The following PBRM1 variants were observed in gnomAD, a reference collection of about 807,000 sequenced individuals.
PBRM1 encodes protein polybromo-1.
Under a neutral mutation model 194.5 loss-of-function variants are expected in PBRM1, and 27 were observed. The ratio of observed to expected loss-of-function variants is 0.14; its 90% CI spans 0.10 to 0.19. The LOEUF (loss-of-function observed/expected upper bound fraction) is 0.19, where lower values mean the gene tolerates loss of function less well. Ranked by LOEUF, PBRM1 falls within the 10% of genes least tolerant of loss-of-function variation. PBRM1 has a pLI of 1.00. For missense variants in PBRM1, 1,466 were observed against 2,077.2 expected, an observed-to-expected ratio of 0.71 and a Z score of 5.72; for synonymous variants, 655 against 693.2, an observed-to-expected ratio of 0.94 and a Z score of 0.87.
chr3:52,547,630 A>T (rs2079845622), downstream of PBRM1: 1 of 233,868 alleles, frequency 4.3e-6, no homozygotes, highest in Admixed American at 5.6e-5. Flanking sequence ...TTATCAATTT[A>T]AACTAATCTG....
chr3:52,608,097 G>A (rs1460392793), intron 16 of PBRM1, among the ~76,000 whole-genome samples: 3 of 152,202 alleles, frequency 2.0e-5, no homozygotes, highest in East Asian at 3.9e-4. Flanking sequence ...GTTGTGGCAT[G>A]TTGTCTCATG....
intron 25 of PBRM1, among the ~76,000 whole-genome samples, chr3:52,559,767 G>A (rs752591631): frequency 6.6e-6 from 1 of 150,672 alleles, no homozygotes; most frequent in Non-Finnish European, 1.5e-5. Context: ...CACTAAGACT[G>A]TCCTAGTTTA....
exon 26 of PBRM1, chr3:52,558,303 C>T (rs2082657635): frequency 1.9e-6 from 3 of 1,549,704 alleles, no homozygotes; most frequent in Non-Finnish European, 2.6e-6. Context: ...GGTGGTGGCA[C>T]CACCCCCATG....
At chr3:52,578,085 C>T (rs2090152751) in intron 21 of PBRM1, among the ~76,000 whole-genome samples, 2 of 152,184 alleles carry the variant, frequency 1.3e-5, no homozygotes, top group Admixed American at 6.6e-5. Flanking sequence ...GGAATCCTTT[C>T]TCCCTGGATA....
rs576510826 is a variant in PBRM1 at position 52,632,027 on chromosome 3, G to C, written c.1301+2575C>G. ...TGAATTTTTATGATTCTTTGGGAAT[G>C]GTCACCTATTCTGCTTTTTATAGAA... On this transcript the variant is annotated intron_variant, in intron 11 of 29. Coordinates refer to ENST00000296302, the Ensembl canonical transcript of PBRM1. Among the ~76,000 whole-genome samples the C allele has an allele frequency of 2.0e-5, 3 of 152,222 alleles. No individual in the cohort carries two copies. The South Asian group carries it at 6.2e-4, about 32-fold the overall frequency.
chr3:52,685,715 G>C lies in PBRM1; in HGVS notation c.-13+34C>G, dbSNP rs1259479999. The C allele has an allele frequency of 4.5e-5, 7 of 155,528 alleles. 1 individual carries two copies. Among genetic ancestry groups the C allele is most frequent in the African/African-American group, 1.7e-4 (7 of 41,292 alleles). 9.6% of individuals were successfully genotyped at this position (155,528 alleles called of 1,614,324 possible). ...CAAAGGCCCGGCAGCTGACCAAGGG[G>C]GAGCGGCCCCACCCGCCCTGGGCCC... On this transcript the variant is annotated intron_variant, in intron 1 of 29. Coordinates refer to the PBRM1 transcript ENST00000394830.
Position 52,609,943 on chromosome 3 carries a change from C to A in PBRM1, c.1937G>T (p.Gly646Val), listed in dbSNP as rs1188313069. The change falls in exon 16 of 30, where the codon GGC (glycine) becomes GTC (valine). Residue 646 changes from glycine to valine, a missense_variant. By Grantham distance (109) the Gly-to-Val change is moderately radical. Coordinates refer to ENST00000296302, the Ensembl canonical transcript of PBRM1. The surrounding 1 kb of genome is among the most constrained non-coding windows in gnomAD (Gnocchi z 4.1). Reference sequence around the variant, plus strand: ...GTATTTTGATTTTTTAGGAGAAATGCCACTCTTCCTACCTAAAGAGAGATA... The same window carrying A: ...GTATTTTGATTTTTTAGGAGAAATGACACTCTTCCTACCTAAAGAGAGATA... 1 of 1,501,746 alleles carries A rather than the reference C, an allele frequency of 6.7e-7. No individual in the cohort carries two copies. The highest frequency in any genetic ancestry group is 8.9e-7 in the Non-Finnish European group (1 of 1,121,198). 93.0% of individuals were successfully genotyped at this position (1,501,746 alleles called of 1,614,324 possible).
chr3:52,682,111 T>C (rs2097213855), upstream of PBRM1: 1 of 152,186 alleles, frequency 6.6e-6, no homozygotes. Context: ...GACTGTCAAT[T>C]CCAGGAATGA....
exon 24 of PBRM1, chr3:52,563,328 G>T (rs768434537): frequency 9.3e-6 from 15 of 1,613,838 alleles, no homozygotes; most frequent in African/African-American, 5.3e-5. Flanking sequence ...TGGCCAGGGG[G>T]GTCTGAAGCT....
chr3:52,643,537 A>G (rs2096186971), intron 8 of PBRM1, among the ~76,000 whole-genome samples, 194 bp from the exon 10 acceptor site: 1 of 152,190 alleles, frequency 6.6e-6, no homozygotes, highest in South Asian at 2.1e-4. Flanking sequence ...GGCTGGTCCT[A>G]GAGAGCTTTT....
intron 15 of PBRM1, 93 bp from the exon 18 acceptor site, chr3:52,610,048 A>G (rs1206298430): frequency 1.4e-6 from 1 of 736,444 alleles, no homozygotes; most frequent in Non-Finnish European, 2.1e-6. Context: ...GATTCCAAGT[A>G]ATTTGTAAAA....
rs767638673 is a variant in PBRM1, at chr3:52,627,389, C to T, written c.1444-19G>A. The T allele has an allele frequency of 6.6e-7, 1 of 1,515,134 alleles. No individual in the cohort carries two copies. The highest frequency in any genetic ancestry group is 9.2e-7 in the Non-Finnish European group (1 of 1,090,658). 93.9% of individuals were successfully genotyped at this position (1,515,134 alleles called of 1,614,324 possible). A position where few individuals can be genotyped will look rare whatever the true frequency, so the allele number is the denominator to read the frequency against. On this transcript the variant is annotated intron_variant, in intron 12 of 29. Coordinates refer to ENST00000296302, the Ensembl canonical transcript of PBRM1. ...TCTTTGCCTAAAACAGAGCAGATCT[C>T]AGGAGTTGAGCTCATGTGCCAAACA... is the stretch of plus-strand genomic sequence containing the variant.
At position 52,632,640 on chromosome 3, in the gene PBRM1, C is replaced by T. The variant is rs190564022; in HGVS notation, c.1301+1962G>A. Among the ~76,000 whole-genome samples, 62 of 151,528 alleles carry T rather than the reference C, an allele frequency of 4.1e-4. 1 individual carries two copies. In the East Asian group the frequency reaches 0.011, roughly 27 times the overall value. ...CACTGAAGAAAAGGTTACTATCCCCCCCAATTTGAAAAATTTTGGTATAAC... is the reference window on the plus strand; with the variant it reads ...CACTGAAGAAAAGGTTACTATCCCCTCCAATTTGAAAAATTTTGGTATAAC... On this transcript the variant is annotated intron_variant, in intron 11 of 29. Coordinates refer to ENST00000296302, the Ensembl canonical transcript of PBRM1.
At chr3:52,683,640 C>A (rs943664471), upstream of PBRM1, among the ~76,000 whole-genome samples, 14 of 151,710 alleles carry the variant, frequency 9.2e-5, no homozygotes, top group Non-Finnish European at 1.5e-4. Context: ...ACGGTGAAAC[C>A]CCGTCTCTAT....
At chr3:52,562,034 G>T in intron 24 of PBRM1, 66 bp from the exon 27 acceptor site, 1 of 1,341,574 alleles carries the variant, frequency 7.5e-7, no homozygotes, top group Non-Finnish European at 1.1e-6. Context: ...CAAAATTTCA[G>T]AAGCCAGCCG....
chr3:52,653,585 G>A (rs2096550543), intron 5 of PBRM1, among the ~76,000 whole-genome samples: 1 of 106,834 alleles, frequency 9.4e-6, no homozygotes, highest in Non-Finnish European at 1.9e-5. Flanking sequence ...GCAGAATTCT[G>A]TCTCAAAAAA....
chr3:52,572,436 G>A (rs898144746), intron 22 of PBRM1, among the ~76,000 whole-genome samples: 6 of 152,050 alleles, frequency 3.9e-5, no homozygotes, highest in African/African-American at 4.8e-5. Flanking sequence ...CCAGTAGAGT[G>A]ATCTCAGCGC....
rs1318710220 is a variant in PBRM1, at chr3:52,628,793, G to A, written c.1443+101C>T. On this transcript the variant is annotated intron_variant, in intron 12 of 29. Transcript: ENST00000296302. The stretch of plus-strand genomic sequence containing the variant: ...AGCCAAATGATGTAATATTACTGCT[G>A]AGGGTGGGGGGGATCACACATCTTA... 4 of 1,055,100 alleles carry A rather than the reference G, an allele frequency of 3.8e-6. No individual in the cohort carries two copies. In the Admixed American group the frequency reaches 7.4e-5, roughly 20 times the overall value. 65.4% of individuals were successfully genotyped at this position (1,055,100 alleles called of 1,614,324 possible).
intron 13 of PBRM1, among the ~76,000 whole-genome samples, chr3:52,618,587 CTTAGT>C (rs1288687023): frequency 6.8e-6 from 1 of 146,806 alleles, no homozygotes; most frequent in African/African-American, 2.5e-5. Flanking sequence ...TGACTTATGA[CTTAGT>C]TTTTTTTTTT....
Sources: allele counts gnomAD v4.1 joint callset (sites outside exome capture counted in the v4.1 genomes callset), GRCh38; gene constraint gnomAD v4.1.1; non-coding constraint Gnocchi (gnomAD v3.1); transcripts MANE v1.5; gene names NCBI Gene and HGNC (gene_info 2026-07-23, HGNC 2026-07-21).